UBE2D3: variants seen among roughly 807,000 people sequenced by gnomAD.
The protein encoded by UBE2D3 is ubiquitin conjugating enzyme E2 D3, also known as ubiquitin-conjugating enzyme E2 D3.
In UBE2D3, 2 loss-of-function variants were observed where a neutral mutation model predicts 22.8. That is an observed-to-expected ratio of 0.09 (90% CI 0.04 to 0.28). The LOEUF (loss-of-function observed/expected upper bound fraction) is 0.28, where lower values mean the gene tolerates loss of function less well. Ranked by LOEUF, UBE2D3 falls within the 10% of genes least tolerant of loss-of-function variation. UBE2D3 has a pLI of 1.00. For synonymous variants in UBE2D3, 56 were observed against 60.4 expected, an observed-to-expected ratio of 0.93 and a Z score of 0.34; for missense variants, 27 against 182.5, an observed-to-expected ratio of 0.15 and a Z score of 4.91.
rs1173327895 is a variant in UBE2D3, at chr4:102,796,936, T to C, written c.*479A>G. ...TCTCCAGCCACATCAGTTATGAGCA[T>C]AAAGCATATCATGTAACCTCAAATC... is the stretch of plus-strand genomic sequence containing the variant. On this transcript the variant is annotated 3_prime_UTR_variant, in exon 8 of 8. Coordinates refer to ENST00000453744, the MANE Select transcript of UBE2D3 (RefSeq NM_181891.3). The C allele has an allele frequency of 6.5e-6, 1 of 153,716 alleles. No homozygotes were observed. Among genetic ancestry groups the C allele is most frequent in the African/African-American group, 2.4e-5 (1 of 41,468 alleles). The allele number at this position is 153,716 out of a possible 1,614,324, so 9.5% of individuals were successfully genotyped here.
intron 6 of UBE2D3, 82 bp downstream of exon 6, chr4:102,801,372 A>C (rs1726130693): frequency 1.6e-6 from 2 of 1,235,708 alleles, no homozygotes; most frequent in East Asian, 5.1e-5. Flanking sequence ...AAGCTGCCAT[A>C]ATAAAAATAC....
intron 2 of UBE2D3, chr4:102,825,793 C>T (rs948326271): frequency 1.1e-5 from 5 of 458,570 alleles, no homozygotes; most frequent in Non-Finnish European, 2.2e-5. Flanking sequence ...AAGGGAGCTT[C>T]CAGAATGCCT....
chr4:102,846,070 C>T (rs915629567), intron 1 of UBE2D3, among the ~76,000 whole-genome samples: 21 of 152,268 alleles, frequency 1.4e-4, no homozygotes, highest in South Asian at 4.1e-4. Flanking sequence ...TGATTACAGA[C>T]GTGAGCCACT....
At chr4:102,860,662 A>G (rs1732853019) in intron 1 of UBE2D3, among the ~76,000 whole-genome samples, 2 of 151,934 alleles carry the variant, frequency 1.3e-5, no homozygotes, top group South Asian at 4.2e-4. Flanking sequence ...TCACAAAGCT[A>G]GACTATGTGC....
rs1730536686 is a variant in UBE2D3 at position 102,826,560 on chromosome 4, C to T, written c.-52G>A. On this transcript the variant is annotated 5_prime_UTR_variant, in exon 2 of 8. Coordinates refer to ENST00000453744, the MANE Select transcript of UBE2D3 (RefSeq NM_181891.3). ...ACTCTCTCGGTGTATGCTCAAAGGT[C>T]CGGCCAAAACTCTTGATTATCCCGG... 2.5e-6 allele frequency: 4 copies of T among 1,609,680 alleles called. No homozygotes were observed. The highest frequency in any genetic ancestry group is 3.4e-6 in the Non-Finnish European group (4 of 1,179,630).
At chr4:102,838,807 CAAAAAAAA>C (rs145975514) in intron 1 of UBE2D3, among the ~76,000 whole-genome samples, 18 of 54,320 alleles carry the variant, frequency 3.3e-4, no homozygotes, top group South Asian at 7.9e-4. Context: ...CTGTGCTGGG[CAAAAAAAA>C]AAAAAAAAAA....
chr4:102,847,142 A>G (rs1035950158), intron 1 of UBE2D3, among the ~76,000 whole-genome samples: 2 of 152,132 alleles, frequency 1.3e-5, no homozygotes, highest in African/African-American at 4.8e-5. Context: ...TCTCCCCACC[A>G]ATGTTCCAGC....
chr4:102,839,274 C>G lies in UBE2D3; in HGVS notation c.-128-12638G>C, dbSNP rs138361263. Reference sequence around the variant, plus strand: ...ATATCATATGACTTTCTTCTTCTTTCTTACTTTTTTGAGACAGGGTCTCAC... The same window carrying G: ...ATATCATATGACTTTCTTCTTCTTTGTTACTTTTTTGAGACAGGGTCTCAC... On this transcript the variant is annotated intron_variant, in intron 1 of 7. Coordinates refer to the UBE2D3 transcript ENST00000338145. Among the ~76,000 whole-genome samples the G allele has an allele frequency of 2.3e-3, 353 of 152,128 alleles. 2 individuals are homozygous for G. The highest frequency in any genetic ancestry group is 8.0e-3 in the African/African-American group (331 of 41,490).
chr4:102,851,672 G>GT (rs11422292), intron 1 of UBE2D3, among the ~76,000 whole-genome samples: 266 of 137,104 alleles, frequency 1.9e-3, no homozygotes, highest in Admixed American at 3.7e-3. Context: ...TTTGTTTTTT[G>GT]TTTTTTTTTT....
intron 1 of UBE2D3, among the ~76,000 whole-genome samples, chr4:102,839,289 CAG>C (rs1424300471): frequency 6.6e-6 from 1 of 152,084 alleles, no homozygotes; most frequent in Non-Finnish European, 1.5e-5. Flanking sequence ...TTTTTTGAGA[CAG>C]GGTCTCACTC....
chr4:102,862,581 A>G (rs1429753027), intron 1 of UBE2D3, among the ~76,000 whole-genome samples: 1 of 152,166 alleles, frequency 6.6e-6, no homozygotes, highest in Non-Finnish European at 1.5e-5. Flanking sequence ...CACATCCTCT[A>G]TTAGCTTTCT....
intron 1 of UBE2D3, among the ~76,000 whole-genome samples, chr4:102,854,022 T>C (rs1732514053): frequency 6.6e-6 from 1 of 152,184 alleles, no homozygotes; most frequent in African/African-American, 2.4e-5. Context: ...CATCTTATTA[T>C]TTTAATTTTC....
intron 4 of UBE2D3, among the ~76,000 whole-genome samples, chr4:102,804,699 GGTCTTGCTCT>G: frequency 6.6e-6 from 1 of 151,812 alleles, no homozygotes; most frequent in East Asian, 1.9e-4. Flanking sequence ...TTTGAGACAG[GGTCTTGCTCT>G]GTCGCCCAGA....
chr4:102,826,382 G>A (rs1245713115), intron 2 of UBE2D3, 103 bp downstream of exon 2: 2 of 1,398,690 alleles, frequency 1.4e-6, no homozygotes, highest in East Asian at 2.3e-5. Context: ...AGTGATCCAA[G>A]AGGTATTTTC....
intron 1 of UBE2D3, among the ~76,000 whole-genome samples, chr4:102,864,231 G>A (rs527956352): frequency 6.6e-6 from 1 of 152,324 alleles, no homozygotes; most frequent in South Asian, 2.1e-4. Context: ...GTGGCTCCAA[G>A]AGTCTACAGT....
At chr4:102,853,135 A>ATCTT (rs386626793) in intron 1 of UBE2D3, among the ~76,000 whole-genome samples, 6,371 of 87,942 alleles carry the variant, frequency 0.072, 1,388 homozygotes, top group African/African-American at 0.12. Context: ...AAACACACAC[A>ATCTT]TTTTTTTTTT....
In UBE2D3 at chr4:102,867,793, TAAC is replaced by T. The variant is rs376973780; in HGVS notation, c.-129+919_-129+921del. On this transcript the variant is annotated intron_variant, in intron 1 of 7. Coordinates refer to the UBE2D3 transcript ENST00000338145. ...GCCTGGGCGATAGAGCGAAACCTTG[TAAC>T]AACAACAACAACAACAAAATTAAAA... is the stretch of plus-strand genomic sequence containing the variant. 1.0e-3 allele frequency among the ~76,000 whole-genome samples: 155 copies of T among 152,188 alleles called. 1 individual carries two copies. Among genetic ancestry groups the T allele is most frequent in the African/African-American group, 2.6e-3 (107 of 41,502 alleles).
At chr4:102,845,565 C>T (rs1732002031) in intron 1 of UBE2D3, among the ~76,000 whole-genome samples, 1 of 152,166 alleles carries the variant, frequency 6.6e-6, no homozygotes, top group South Asian at 2.1e-4. Context: ...AGTACCAAGT[C>T]TGGGAGCTAG....
chr4:102,845,832 C>T (rs1391123554), intron 1 of UBE2D3, among the ~76,000 whole-genome samples: 1 of 152,104 alleles, frequency 6.6e-6, no homozygotes, highest in African/African-American at 2.4e-5. Context: ...TGCTCTGTTG[C>T]CCAGGCTGAG....
Sources: gnomAD v4.1 joint callset for allele counts (sites outside exome capture counted in the v4.1 genomes callset) on GRCh38, gnomAD v4.1.1 for gene constraint, MANE v1.5 for transcripts, NCBI Gene and HGNC (gene_info 2026-07-23, HGNC 2026-07-21) for gene names.